Variants in UBE2G1 observed in about 807,000 individuals in gnomAD.
UBE2G1 encodes the protein ubiquitin conjugating enzyme E2 G1.
Under a neutral mutation model 22.7 loss-of-function variants are expected in UBE2G1, and 5 were observed. The ratio of observed to expected loss-of-function variants is 0.22; its 90% confidence interval spans 0.12 to 0.46. The LOEUF is 0.46. UBE2G1 is among the 20% of genes least tolerant of loss of function. The pLI is 0.99. For missense variants in UBE2G1, 88 were observed against 203.9 expected (o/e 0.43, Z 3.46); for synonymous variants, 74 against 67.5 (o/e 1.10, Z -0.47).
intron 1 of UBE2G1, among the ~76,000 whole-genome samples, chr17:4,323,851 G>C (rs57149238): frequency 0.047 from 7,123 of 152,176 alleles, 597 homozygotes; most frequent in African/African-American, 0.16. Context: ...CCAGTAACTA[G>C]TATTTTTAAT....
intron 1 of UBE2G1, among the ~76,000 whole-genome samples, chr17:4,363,674 C>CG (rs759288870): frequency 6.6e-6 from 1 of 152,002 alleles, no homozygotes; most frequent in Non-Finnish European, 1.5e-5. Flanking sequence ...TCAGAGAGGC[C>CG]GGGCCCGGTG....
intron 2 of UBE2G1, among the ~76,000 whole-genome samples, chr17:4,304,971 T>TA (rs1969232062): frequency 2.0e-5 from 3 of 150,612 alleles, no homozygotes; most frequent in Admixed American, 1.3e-4. Context: ...TTTTTTTTTT[T>TA]AGATAGAGTT....
intron 1 of UBE2G1, among the ~76,000 whole-genome samples, chr17:4,314,695 CCA>C (rs1002105377): frequency 6.6e-6 from 1 of 152,118 alleles, no homozygotes; most frequent in African/African-American, 2.4e-5. Context: ...TAAAAGACAA[CCA>C]GATATTACAG....
At chr17:4,314,149 C>G (rs1969341784) in intron 1 of UBE2G1, among the ~76,000 whole-genome samples, 2 of 152,114 alleles carry the variant, frequency 1.3e-5, no homozygotes, top group African/African-American at 4.8e-5. Context: ...CAGTAGTGCC[C>G]AGAATATGGT....
intron 1 of UBE2G1, among the ~76,000 whole-genome samples, chr17:4,365,727 G>A (rs1286780723): frequency 6.6e-6 from 1 of 152,218 alleles, no homozygotes; most frequent in Admixed American, 6.5e-5. Context: ...AGGCCGCCGA[G>A]GCCAGCGCTT....
intron 1 of UBE2G1, among the ~76,000 whole-genome samples, chr17:4,342,934 C>A (rs1414789881): frequency 2.0e-5 from 3 of 152,176 alleles, no homozygotes; most frequent in Non-Finnish European, 4.4e-5. Context: ...CTGTACTGTT[C>A]TTCTCTTGGC....
At chr17:4,285,758 T>C (rs1452383400) in intron 4 of UBE2G1, among the ~76,000 whole-genome samples, 1 of 152,040 alleles carries the variant, frequency 6.6e-6, no homozygotes, top group East Asian at 1.9e-4. Flanking sequence ...AAGACCATCC[T>C]GGCCAACATG....
chr17:4,343,627 C>T (rs1969735909), intron 1 of UBE2G1, among the ~76,000 whole-genome samples: 1 of 151,474 alleles, frequency 6.6e-6, no homozygotes, highest in Non-Finnish European at 1.5e-5. Flanking sequence ...CTCGCTCTGT[C>T]GCCCAGGCTG....
At chr17:4,315,462 C>A (rs910405194) in intron 1 of UBE2G1, among the ~76,000 whole-genome samples, 2 of 152,074 alleles carry the variant, frequency 1.3e-5, no homozygotes, top group Non-Finnish European at 2.9e-5. Context: ...TACTTTTGGC[C>A]GGGCGCTGTG....
chr17:4,310,536 G>A (rs996407512), intron 1 of UBE2G1, among the ~76,000 whole-genome samples: 7 of 152,132 alleles, frequency 4.6e-5, no homozygotes, highest in East Asian at 1.9e-4. Flanking sequence ...CTGGAACGGC[G>A]GGGGGCAGGG....
chr17:4,347,905 T>C (rs1225259658), intron 1 of UBE2G1, among the ~76,000 whole-genome samples: 2 of 152,174 alleles, frequency 1.3e-5, no homozygotes, highest in Non-Finnish European at 2.9e-5. Flanking sequence ...AAACGTTGTG[T>C]GTGTTCTGAC....
chr17:4,360,975 C>T lies in UBE2G1; in HGVS notation c.46+5296G>A, dbSNP rs527771615. Reference sequence around the variant, plus strand: ...AGTGGCTCCTGCCTGTAAATCCCACCACTTTGGAAGGCCAAGGTGGGCAGA... The same window carrying T: ...AGTGGCTCCTGCCTGTAAATCCCACTACTTTGGAAGGCCAAGGTGGGCAGA... On this transcript the variant is annotated intron_variant, in intron 1 of 5. Transcript: ENST00000396981. Among the ~76,000 whole-genome samples, 146 of 152,336 alleles carry T rather than the reference C, an allele frequency of 9.6e-4. 1 individual carries two copies. Among genetic ancestry groups the T allele is most frequent in the African/African-American group, 3.2e-3 (132 of 41,580 alleles).
At chr17:4,365,236 T>C (rs1228609979) in intron 1 of UBE2G1, among the ~76,000 whole-genome samples, 2 of 152,208 alleles carry the variant, frequency 1.3e-5, no homozygotes, top group South Asian at 2.1e-4. Context: ...CCGGGTGTTG[T>C]ACAGCAGGGG....
chr17:4,288,371 C>T (rs532980838), intron 4 of UBE2G1, among the ~76,000 whole-genome samples: 3 of 152,082 alleles, frequency 2.0e-5, no homozygotes, highest in Non-Finnish European at 2.9e-5. Context: ...GGACTATAGG[C>T]GCCCGCCACC....
chr17:4,274,676 A>G (rs1968801163), intron 5 of UBE2G1, among the ~76,000 whole-genome samples: 2 of 152,204 alleles, frequency 1.3e-5, no homozygotes. Context: ...CATGAAATGT[A>G]CTAAGTAACA....
intron 1 of UBE2G1, among the ~76,000 whole-genome samples, chr17:4,311,435 G>A (rs920035194): frequency 6.6e-6 from 1 of 152,100 alleles, no homozygotes; most frequent in African/African-American, 2.4e-5. Context: ...TGAATAAACT[G>A]CAGTATATAC....
intron 1 of UBE2G1, among the ~76,000 whole-genome samples, chr17:4,365,341 C>G (rs1970019724): frequency 6.6e-6 from 1 of 152,240 alleles, no homozygotes; most frequent in Admixed American, 6.5e-5. Flanking sequence ...CGCACACGGA[C>G]GTCTCCACTG....
At chr17:4,298,344 A>G (rs1969134793) in intron 2 of UBE2G1, among the ~76,000 whole-genome samples, 1 of 152,188 alleles carries the variant, frequency 6.6e-6, no homozygotes, top group African/African-American at 2.4e-5. Context: ...GAACAAGTGA[A>G]AAATTGGGGG....
intron 5 of UBE2G1, 117 bp downstream of exon 5, chr17:4,282,681 C>T (rs376052881): frequency 4.5e-5 from 30 of 669,102 alleles, no homozygotes; most frequent in Non-Finnish European, 6.9e-5. Context: ...CAGGATAATA[C>T]CATTAAAAAA....
Sources: allele counts gnomAD v4.1 joint callset (sites outside exome capture counted in the v4.1 genomes callset), GRCh38; gene constraint gnomAD v4.1.1; transcripts MANE v1.5; gene names NCBI Gene and HGNC (gene_info 2026-07-23, HGNC 2026-07-21).